Variants in NCKAP5 observed in about 807,000 individuals in gnomAD.
NCKAP5 encodes NCK associated protein 5, also known as nck-associated protein 5.
In NCKAP5, 92 loss-of-function variants were observed where a neutral mutation model predicts 167.0. The ratio of observed to expected loss-of-function variants is 0.55; its 90% confidence interval spans 0.47 to 0.66. NCKAP5 has a LOEUF of 0.66. Among genes scored for constraint, NCKAP5 ranks in the 30% least tolerant of loss-of-function variants. The probability of loss-of-function intolerance (pLI) is 0.00; values close to 1 mark genes in which losing one functional copy is unlikely to be tolerated. For synonymous variants in NCKAP5, 891 were observed against 877.4 expected (o/e 1.02, Z -0.27); for missense variants, 2,378 against 2,315.0 (o/e 1.03, Z -0.56).
chr2:133,625,647 G>A, the NCKAP5 span, among the ~76,000 whole-genome samples: 4 of 152,108 alleles, frequency 2.6e-5, no homozygotes, highest in African/African-American at 9.7e-5. Context: ...GAGACGGGCG[G>A]ATCACGAGGT....
At chr2:133,571,930 G>A (rs1160742352), upstream of NCKAP5, among the ~76,000 whole-genome samples, 3 of 150,908 alleles carry the variant, frequency 2.0e-5, no homozygotes, top group African/African-American at 7.3e-5. Context: ...AGCCAAGATC[G>A]CACCATTGCA....
chr2:132,673,258 T>A lies in NCKAP5; in HGVS notation c.*31A>T. 6.6e-7 allele frequency: 1 copy of A among 1,510,752 alleles called. No individual in the cohort carries two copies. The highest frequency in any genetic ancestry group is 8.8e-7 in the Non-Finnish European group (1 of 1,132,524). The allele number at this position is 1,510,752 out of a possible 1,614,324, so 93.6% of individuals were successfully genotyped here. A position where few individuals can be genotyped will look rare whatever the true frequency, so the allele number is the denominator to read the frequency against. On this transcript the variant is annotated 3_prime_UTR_variant, in exon 20 of 20. Transcript: ENST00000409261. The stretch of plus-strand genomic sequence containing the variant: ...TGAATGACTCTAGGGAAATTTTCGA[T>A]AATCTATTCTCGGGATCGTCTTTTG...
intron 8 of NCKAP5, among the ~76,000 whole-genome samples, chr2:132,900,161 C>T (rs1483775299): frequency 1.3e-5 from 2 of 152,114 alleles, no homozygotes; most frequent in African/African-American, 4.8e-5. Flanking sequence ...TCAAAGAACA[C>T]TGATCACAGA....
At chr2:133,364,735 C>T (rs1276975246) in intron 3 of NCKAP5, among the ~76,000 whole-genome samples, 1 of 151,724 alleles carries the variant, frequency 6.6e-6, no homozygotes, top group Non-Finnish European at 1.5e-5. Flanking sequence ...CAGTGGAGCT[C>T]GTGAGGTCAT....
rs558871677 is a variant in NCKAP5 at position 133,150,159 on chromosome 2, A to C, written c.208-20048T>G. Among the ~76,000 whole-genome samples, 8 of 152,326 alleles carry C rather than the reference A, an allele frequency of 5.3e-5. No individual in the cohort carries two copies. The East Asian group carries it at 1.5e-3, about 29-fold the overall frequency. ...CAACTGTGATCCAAATATAAAATGG[A>C]CAATTCCAGAAATAAACAATTCATA... On this transcript the variant is annotated intron_variant, in intron 5 of 19. Transcript: ENST00000409261.
At chr2:133,554,678 G>A (rs1342132532) in intron 2 of NCKAP5, among the ~76,000 whole-genome samples, 2 of 152,174 alleles carry the variant, frequency 1.3e-5, no homozygotes, top group Non-Finnish European at 2.9e-5. Context: ...TCTTTGCCAA[G>A]TATGGGATAT....
intron 12 of NCKAP5, among the ~76,000 whole-genome samples, chr2:132,794,263 T>TATATATAG (rs762281677): frequency 5.9e-4 from 7 of 11,916 alleles, no homozygotes; most frequent in Admixed American, 1.8e-3. Flanking sequence ...TATATATATA[T>TATATATAG]AGAGAGAGAG....
intron 3 of NCKAP5, among the ~76,000 whole-genome samples, chr2:133,313,137 T>C (rs1681363675): frequency 6.6e-6 from 1 of 152,208 alleles, no homozygotes; most frequent in East Asian, 1.9e-4. Context: ...TTATGTTGGT[T>C]AGATGGAAAC....
chr2:133,016,880 C>G (rs13390873), intron 6 of NCKAP5, among the ~76,000 whole-genome samples: 13,792 of 152,022 alleles, frequency 0.091, 692 homozygotes, highest in Middle Eastern at 0.15. Flanking sequence ...TTATGGATTG[C>G]CACTCAAATG....
intron 6 of NCKAP5, among the ~76,000 whole-genome samples, chr2:133,110,362 G>T (rs569639785): frequency 6.6e-6 from 1 of 152,264 alleles, no homozygotes; most frequent in African/African-American, 2.4e-5. Context: ...CAACTAATCA[G>T]AAAGGACACT....
chr2:133,516,075 A>G (rs1477199032), intron 3 of NCKAP5, among the ~76,000 whole-genome samples: 3 of 152,212 alleles, frequency 2.0e-5, no homozygotes, highest in Non-Finnish European at 4.4e-5. Flanking sequence ...GGTTAAGAGA[A>G]TCTTTCTTGA....
At chr2:133,402,160 G>C (rs1444582262) in intron 3 of NCKAP5, among the ~76,000 whole-genome samples, 1 of 152,144 alleles carries the variant, frequency 6.6e-6, no homozygotes, top group African/African-American at 2.4e-5. Context: ...AACTGAAAGT[G>C]CTTAAAATGC....
At chr2:133,097,141 G>C (rs1201899895) in intron 6 of NCKAP5, among the ~76,000 whole-genome samples, 1 of 152,104 alleles carries the variant, frequency 6.6e-6, no homozygotes, top group Non-Finnish European at 1.5e-5. Context: ...TTTAGCATGT[G>C]ACACCCTTGA....
At chr2:133,248,395 C>T (rs1443638983) in intron 4 of NCKAP5, among the ~76,000 whole-genome samples, 6 of 152,244 alleles carry the variant, frequency 3.9e-5, no homozygotes, top group African/African-American at 7.2e-5. Context: ...AGGCCACCTG[C>T]TATTTTTAGA....
intron 3 of NCKAP5, among the ~76,000 whole-genome samples, chr2:133,444,397 TAGATAG>T (rs767306325): frequency 5.6e-5 from 7 of 125,388 alleles, no homozygotes; most frequent in African/African-American, 2.0e-4. Flanking sequence ...GATAGATAGA[TAGATAG>T]ATAGATATAG....
At chr2:132,771,940 C>T (rs1264896734) in intron 16 of NCKAP5, among the ~76,000 whole-genome samples, 1 of 150,596 alleles carries the variant, frequency 6.6e-6, no homozygotes, top group Non-Finnish European at 1.5e-5. Flanking sequence ...ATCCACCTGC[C>T]TTGGCCTCCC....
At chr2:132,791,526 T>C (rs773318752) in intron 12 of NCKAP5, among the ~76,000 whole-genome samples, 17 of 152,206 alleles carry the variant, frequency 1.1e-4, no homozygotes, top group Non-Finnish European at 2.2e-4. Context: ...TTAATTTACA[T>C]CCCAACCACT....
chr2:132,893,664 G>A (rs1255387961), intron 8 of NCKAP5, among the ~76,000 whole-genome samples: 1 of 152,076 alleles, frequency 6.6e-6, no homozygotes, highest in Non-Finnish European at 1.5e-5. Context: ...CTTTCAAAAA[G>A]CAAGCAAATT....
chr2:133,640,288 A>T, the NCKAP5 span, among the ~76,000 whole-genome samples: 2 of 152,220 alleles, frequency 1.3e-5, no homozygotes, highest in Non-Finnish European at 2.9e-5. Context: ...ATGAATGGAT[A>T]TGAAAAAGCA....
Sources: allele counts gnomAD v4.1 joint callset (sites outside exome capture counted in the v4.1 genomes callset), GRCh38; gene constraint gnomAD v4.1.1; transcripts MANE v1.5; gene names NCBI Gene and HGNC (gene_info 2026-07-23, HGNC 2026-07-21).